SOBP: variants seen among roughly 807,000 people sequenced by gnomAD.
SOBP encodes the protein sine oculis binding protein homolog, also known as sine oculis-binding protein homolog.
A neutral mutation model predicts 53.6 loss-of-function variants in SOBP; 4 were observed. The ratio of observed to expected loss-of-function variants is 0.07; its 90% CI spans 0.04 to 0.17. SOBP has a LOEUF of 0.17. Ranked by LOEUF, SOBP falls within the 10% of genes least tolerant of loss-of-function variation. The pLI, the probability that SOBP is intolerant of heterozygous loss-of-function variation, is 1.00. For missense variants in SOBP, 1,088 were observed against 1,204.7 expected (o/e 0.90, Z 1.43); for synonymous variants, 584 against 522.6 (o/e 1.12, Z -1.60).
intron 2 of SOBP, among the ~76,000 whole-genome samples, chr6:107,505,468 G>A (rs1275949222): frequency 4.0e-5 from 6 of 151,776 alleles, no homozygotes; most frequent in Non-Finnish European, 5.9e-5. Flanking sequence ...GATTACAGGC[G>A]TGCGCCACAT....
rs1180708347 is a variant in SOBP, at chr6:107,633,766, C to T, written c.922C>T (p.Arg308Trp). ...DSWNIPLTDA[R>W]RKAPSPVATA... ...TTGGAATATCCCGCTAACAGATGCT[C>T]GGAGGAAGGCCCCCTCCCCGGTGGC... The change falls in exon 6 of 7, where the codon CGG becomes TGG. Residue 308 changes from arginine (R) to tryptophan (W), a missense_variant. Around this residue, in one of 6 missense-constraint regions of SOBP, gnomAD observed 211 missense variants for 258.9 expected, o/e 0.82. Transcript: ENST00000317357. 6.2e-7 allele frequency: 1 copy of T among 1,614,242 alleles called. No individual in the cohort carries two copies. The highest frequency in any genetic ancestry group is 1.3e-5 in the African/African-American group (1 of 75,064).
chr6:107,629,303 G>A (rs927264635), intron 5 of SOBP, among the ~76,000 whole-genome samples: 1 of 150,472 alleles, frequency 6.6e-6, no homozygotes, highest in African/African-American at 2.5e-5. Context: ...TTCAGCAAAA[G>A]GGTTTCTTAA....
chr6:107,627,488 T>C (rs1346893406), intron 5 of SOBP, among the ~76,000 whole-genome samples: 1 of 152,154 alleles, frequency 6.6e-6, no homozygotes, highest in Non-Finnish European at 1.5e-5. Flanking sequence ...AGAACTTGAG[T>C]CATGGTATAA....
chr6:107,626,731 A>G (rs570259972), intron 5 of SOBP, among the ~76,000 whole-genome samples: 1 of 152,106 alleles, frequency 6.6e-6, no homozygotes, highest in South Asian at 2.1e-4. Context: ...GCAATGGGAG[A>G]TGGGCTAGGA....
chr6:107,635,427 C>G lies in SOBP; in HGVS notation c.2583C>G (p.Leu861=), dbSNP rs1390486179. ...SAGPEDLEPP[L]KRRCLRIRNQ... is the part of the protein sequence containing the mutation. The stretch of plus-strand genomic sequence containing the variant: ...GGCCTGAGGACCTGGAGCCGCCGCT[C>G]AAAAGGAGGTGCCTCCGAATTAGAA... The change falls in exon 6 of 7, where the codon CTC becomes CTG. Residue 861 remains leucine, a synonymous_variant. Coordinates refer to ENST00000317357, the MANE Select transcript of SOBP (RefSeq NM_018013.4). The surrounding 1 kb of genome is among the most constrained non-coding windows in gnomAD (Gnocchi z 4.5). 3 of 1,613,468 alleles carry G rather than the reference C, an allele frequency of 1.9e-6. No individual in the cohort carries two copies. The highest frequency in any genetic ancestry group is 1.7e-6 in the Non-Finnish European group (2 of 1,180,050).
chr6:107,508,439 C>T (rs1783059050), intron 3 of SOBP, among the ~76,000 whole-genome samples: 2 of 152,002 alleles, frequency 1.3e-5, no homozygotes, highest in African/African-American at 4.8e-5. Context: ...ATTAGCCAGG[C>T]GTGTTGGCAG....
chr6:107,631,482 T>C (rs913351181), intron 5 of SOBP, among the ~76,000 whole-genome samples: 6 of 152,352 alleles, frequency 3.9e-5, no homozygotes, highest in South Asian at 2.1e-4. Flanking sequence ...ACATGCATCA[T>C]GTTTCTAATA....
At position 107,490,503 on chromosome 6, in the gene SOBP, A is replaced by G; in HGVS notation, c.-114A>G. On this transcript the variant is annotated 5_prime_UTR_variant, in exon 1 of 7. Transcript: ENST00000317357. Reference sequence around the variant, plus strand: ...TCGGTCCGGCCCCGCCAGCACCGCTACCTCCGCCAGCCTCGCCACCATCAG... The same window carrying G: ...TCGGTCCGGCCCCGCCAGCACCGCTGCCTCCGCCAGCCTCGCCACCATCAG... 1.3e-6 allele frequency: 1 copy of G among 746,386 alleles called. No homozygotes were observed. The highest frequency in any genetic ancestry group is 2.3e-6 in the Non-Finnish European group (1 of 432,580). 46.2% of individuals were successfully genotyped at this position (746,386 alleles called of 1,614,324 possible). A position where few individuals can be genotyped will look rare whatever the true frequency, so the allele number is the denominator to read the frequency against.
At chr6:107,521,723 A>T (rs1783493278) in intron 3 of SOBP, among the ~76,000 whole-genome samples, 1 of 152,170 alleles carries the variant, frequency 6.6e-6, no homozygotes, top group South Asian at 2.1e-4. Context: ...CATACCTAAG[A>T]TAGAATTATT....
At chr6:107,626,431 C>G (rs1476104677) in intron 5 of SOBP, among the ~76,000 whole-genome samples, 1 of 152,180 alleles carries the variant, frequency 6.6e-6, no homozygotes, top group East Asian at 1.9e-4. Flanking sequence ...AAAAGTGTTA[C>G]AAATAGAAGA....
intron 3 of SOBP, among the ~76,000 whole-genome samples, chr6:107,530,976 G>A (rs1022399320): frequency 2.0e-5 from 3 of 152,206 alleles, no homozygotes; most frequent in Non-Finnish European, 4.4e-5. Flanking sequence ...GGTCTGTCTG[G>A]TGATGATGGA....
At chr6:107,581,003 C>G (rs1232832444) in intron 4 of SOBP, among the ~76,000 whole-genome samples, 1 of 152,124 alleles carries the variant, frequency 6.6e-6, no homozygotes, top group Non-Finnish European at 1.5e-5. Flanking sequence ...GGATAGAAAC[C>G]CATTCATTTA....
At position 107,593,179 on chromosome 6, in the gene SOBP, T is replaced by A. The variant is rs1162217932; in HGVS notation, c.669+6004T>A. Among the ~76,000 whole-genome samples the A allele has an allele frequency of 5.9e-5, 9 of 152,298 alleles. No homozygotes were observed. The South Asian group carries it at 1.7e-3, about 28-fold the overall frequency. ...AGACCTTCTTGACCACAGTTGACCA[T>A]CTCCCCTCCTTTCCCGTGCATGCAA... On this transcript the variant is annotated intron_variant, in intron 5 of 6. Transcript: ENST00000317357.
intron 6 of SOBP, among the ~76,000 whole-genome samples, chr6:107,645,358 G>C (rs896152586): frequency 6.6e-6 from 1 of 152,068 alleles, no homozygotes; most frequent in Non-Finnish European, 1.5e-5. Flanking sequence ...TATTTCCCTA[G>C]AGGGTAAAAC....
intron 4 of SOBP, among the ~76,000 whole-genome samples, chr6:107,553,480 C>G (rs1034100879): frequency 6.6e-6 from 1 of 151,046 alleles, no homozygotes; most frequent in African/African-American, 2.4e-5. Flanking sequence ...AGGTGCACGC[C>G]ACTACACCTG....
intron 6 of SOBP, among the ~76,000 whole-genome samples, chr6:107,647,268 G>A (rs1314749029): frequency 1.3e-5 from 2 of 152,212 alleles, no homozygotes; most frequent in African/African-American, 4.8e-5. Flanking sequence ...TGCAGATGAA[G>A]AGACTGAGGC....
At chr6:107,569,979 T>TGCTA (rs1429255898) in intron 4 of SOBP, among the ~76,000 whole-genome samples, 1 of 152,208 alleles carries the variant, frequency 6.6e-6, no homozygotes, top group Non-Finnish European at 1.5e-5. Flanking sequence ...GGGCCCATGA[T>TGCTA]GCTAGCCATT....
At chr6:107,495,966 G>A (rs977242452) in intron 1 of SOBP, among the ~76,000 whole-genome samples, 10 of 152,068 alleles carry the variant, frequency 6.6e-5, no homozygotes, top group Non-Finnish European at 2.9e-5. Context: ...TCCTGAAGGA[G>A]AGGGGATATT....
At position 107,490,599 on chromosome 6, in the gene SOBP, G is replaced by C; in HGVS notation, c.-18G>C. 1 of 1,587,808 alleles carries C rather than the reference G, an allele frequency of 6.3e-7. No individual in the cohort carries two copies. The highest frequency in any genetic ancestry group is 2.3e-5 in the East Asian group (1 of 43,906). On this transcript the variant is annotated 5_prime_UTR_variant, in exon 1 of 7. Coordinates refer to ENST00000317357, the MANE Select transcript of SOBP (RefSeq NM_018013.4). ...CGGCAGCAGCCATTTCATCTCCACA[G>C]AAACCAGACACAAAAACATGGCAGA...
Sources: allele counts gnomAD v4.1 joint callset (sites outside exome capture counted in the v4.1 genomes callset), GRCh38; gene constraint gnomAD v4.1.1; regional missense constraint gnomAD v4.1.1; non-coding constraint Gnocchi (gnomAD v3.1); transcripts MANE v1.5; gene names NCBI Gene and HGNC (gene_info 2026-07-23, HGNC 2026-07-21).